APOM: variants seen among roughly 807,000 people sequenced by gnomAD.
The protein encoded by APOM is apolipoprotein M.
A neutral mutation model predicts 23.5 loss-of-function variants in APOM; 24 were observed. The observed-to-expected ratio is 1.02, with a 90% confidence interval of 0.74 to 1.44. APOM has a LOEUF of 1.44. Ranked by LOEUF, APOM falls within the 40% of genes most tolerant of loss-of-function variation. The pLI is 0.00. For missense variants in APOM, 200 were observed against 233.2 expected, an observed-to-expected ratio of 0.86 and a Z score of 0.93; for synonymous variants, 82 against 84.1, an observed-to-expected ratio of 0.97 and a Z score of 0.14.
chr6:31,654,864 T>G (rs1799865806), upstream of APOM, among the ~76,000 whole-genome samples: 1 of 152,264 alleles, frequency 6.6e-6, no homozygotes. Flanking sequence ...GGGCTTTATG[T>G]GCATTATTTC....
intron 2 of APOM, 39 bp from the exon 3 acceptor site, chr6:31,657,186 A>ATG: frequency 6.3e-7 from 1 of 1,575,216 alleles, no homozygotes; most frequent in Non-Finnish European, 8.7e-7. Flanking sequence ...GGTTGGGGTG[A>ATG]TGCTCATTCT....
chr6:31,654,429 T>C (rs1054490849), upstream of APOM, among the ~76,000 whole-genome samples: 19 of 152,116 alleles, frequency 1.2e-4, no homozygotes, highest in African/African-American at 4.3e-4. Flanking sequence ...GGCTCATGCC[T>C]GTAATCCCAA....
chr6:31,657,774 G>A, intron 5 of APOM, 51 bp downstream of exon 5: 1 of 1,486,402 alleles, frequency 6.7e-7, no homozygotes, highest in Non-Finnish European at 9.4e-7. Context: ...CAAGTCTTCT[G>A]GTGTTACAGG....
upstream of APOM, among the ~76,000 whole-genome samples, chr6:31,653,364 C>T (rs1028472451): frequency 1.3e-5 from 2 of 152,148 alleles, no homozygotes; most frequent in Admixed American, 6.5e-5. Context: ...CCAAGGGCCT[C>T]GGCCCCGCGA....
At chr6:31,657,174 A>G (rs1182830353) in intron 2 of APOM, 51 bp from the exon 3 acceptor site, 8 of 1,549,348 alleles carry the variant, frequency 5.2e-6, no homozygotes, top group South Asian at 4.5e-5. Context: ...CTGGGACACT[A>G]TGGTTGGGGT....
upstream of APOM, among the ~76,000 whole-genome samples, chr6:31,654,204 C>T (rs1010158310): frequency 6.8e-6 from 1 of 147,182 alleles, no homozygotes; most frequent in African/African-American, 2.6e-5. Flanking sequence ...AAGATCGCGC[C>T]ACTGCACTCC....
intron 1 of APOM, 57 bp downstream of exon 1, chr6:31,656,137 T>C: frequency 1.5e-6 from 2 of 1,351,402 alleles, no homozygotes; most frequent in Admixed American, 2.0e-5. Context: ...CTTGGGTGGA[T>C]GGCCTAGGAT....
chr6:31,658,163 C>T lies in APOM; in HGVS notation c.*74C>T. ...GTTGGAGGGAGAAGCTGGAGACTTC[C>T]AGCTCCAGCTCCCACTCAAGATAAT... On this transcript the variant is annotated 3_prime_UTR_variant, in exon 6 of 6. Transcript: ENST00000375916. 7.5e-6 allele frequency: 11 copies of T among 1,471,052 alleles called. No individual in the cohort carries two copies. The highest frequency in any genetic ancestry group is 1.0e-5 in the Non-Finnish European group (11 of 1,050,328). The allele number at this position is 1,471,052 out of a possible 1,614,324, so 91.1% of individuals were successfully genotyped here.
At position 31,657,421 on chromosome 6, in the gene APOM, C is replaced by T. The variant is rs1220699664; in HGVS notation, c.385C>T (p.Pro129Ser). ...GACTGAGCTCTTTTCCAGCTCATGC[C>T]CAGGTGGAATCATGCTGAATGAGAC... The part of the protein sequence containing the change: ...MKTELFSSSC[P>S]GGIMLNETGQ... Residue 129 changes from proline (P) to serine (S), a missense_variant, in exon 4 of 6, where the codon CCA becomes TCA. By Grantham distance (74) the Pro-to-Ser change is moderately conservative. Transcript: ENST00000375916. 6.2e-7 allele frequency: 1 copy of T among 1,612,952 alleles called. No individual in the cohort carries two copies. Among genetic ancestry groups the T allele is most frequent in the East Asian group, 2.2e-5 (1 of 44,876 alleles).
rs567916566 is a variant in APOM, at chr6:31,656,416, T to TGAACCCATCCTGTGCTG, written c.115-48_115-32dup. ...TTGCTGTTTTGACTGATGAAGAGGT[T>TGAACCCATCCTGTGCTG]GAACCCATCCTGTGCTGGAACCCAC... On this transcript the variant is annotated intron_variant, in intron 1 of 5. Transcript: ENST00000375916. The TGAACCCATCCTGTGCTG allele has an allele frequency of 6.6e-4, 1,038 of 1,581,100 alleles. 5 individuals carry two copies. The African/African-American group carries it at 8.4e-3, about 13-fold the overall frequency.
chr6:31,653,249 A>G (rs538940951), upstream of APOM, among the ~76,000 whole-genome samples: 1 of 152,328 alleles, frequency 6.6e-6, no homozygotes, highest in Admixed American at 6.5e-5. Flanking sequence ...CAGAAAGACA[A>G]GACCCTGACC....
At chr6:31,653,585 A>G (rs1799308207), upstream of APOM, among the ~76,000 whole-genome samples, 1 of 152,232 alleles carries the variant, frequency 6.6e-6, no homozygotes, top group South Asian at 2.1e-4. Context: ...AAGTGAGTAC[A>G]CTTAGACGAA....
Position 31,655,912 on chromosome 6 carries a change from A to C in APOM, c.-55A>C, listed in dbSNP as rs982598492. The C allele has an allele frequency of 1.1e-5, 14 of 1,228,208 alleles. No homozygotes were observed. The African/African-American group carries it at 2.1e-4, about 18-fold the overall frequency. The allele number at this position is 1,228,208 out of a possible 1,614,324, so 76.1% of individuals were successfully genotyped here. On this transcript the variant is annotated 5_prime_UTR_variant, in exon 1 of 6. Coordinates refer to ENST00000375916, the MANE Select transcript of APOM (RefSeq NM_019101.3). ...TGAAAGCAGAGTGGACTGAGCAGCC[A>C]GTAGGGGAGAGAGCAGTTAAGGCAC...
chr6:31,655,793 T>C (rs188916451), upstream of APOM: 252 of 584,806 alleles, frequency 4.3e-4, 4 homozygotes, highest in East Asian at 6.9e-3. Flanking sequence ...GGGGAGGAAG[T>C]CCCAAACACT....
chr6:31,653,809 G>GT (rs1799458145), upstream of APOM, among the ~76,000 whole-genome samples: 1 of 152,064 alleles, frequency 6.6e-6, no homozygotes, highest in Admixed American at 6.6e-5. Flanking sequence ...AGCCTCCCTA[G>GT]TAGGGACCAC....
upstream of APOM, among the ~76,000 whole-genome samples, chr6:31,653,615 A>T (rs577596659): frequency 6.6e-6 from 1 of 152,344 alleles, no homozygotes; most frequent in African/African-American, 2.4e-5. Context: ...CAGAATTGAC[A>T]AATCCAGGCC....
Position 31,656,776 on chromosome 6 carries a change from GA to G in APOM, c.269+151del. The G allele has an allele frequency of 4.0e-6, 4 of 1,010,700 alleles. No homozygotes were observed. The East Asian group carries it at 7.9e-5, about 20-fold the overall frequency. 62.6% of individuals were successfully genotyped at this position (1,010,700 alleles called of 1,614,324 possible). The stretch of plus-strand genomic sequence containing the variant: ...CTGTATTAATTGCCCTCTGGAGAAA[GA>G]TGTGCCTAACCAATGCTTGGTAGCT... On this transcript the variant is annotated intron_variant, in intron 2 of 5. Transcript: ENST00000375916.
chr6:31,653,737 A>C (rs1395160959), upstream of APOM, among the ~76,000 whole-genome samples: 3 of 152,096 alleles, frequency 2.0e-5, no homozygotes, highest in Non-Finnish European at 4.4e-5. Context: ...GCTGGAGTGC[A>C]GTGGCGCAAT....
At position 31,655,999 on chromosome 6, in the gene APOM, C is replaced by T. The variant is rs750895174; in HGVS notation, c.33C>T (p.Tyr11=). The T allele has an allele frequency of 3.1e-6, 5 of 1,601,382 alleles. No homozygotes were observed. In the East Asian group the frequency reaches 1.1e-4, roughly 36 times the overall value. The stretch of plus-strand genomic sequence containing the variant: ...ACCAAATTTGGGCAGCTCTGCTCTA[C>T]TTCTATGGTATTATCCTTAACTCCA... MFHQIWAALL[Y]FYGIILNSIY... Residue 11 remains tyrosine, a synonymous_variant, in exon 1 of 6, where the codon TAC becomes TAT. Transcript: ENST00000375916.
Sources: allele counts gnomAD v4.1 joint callset (sites outside exome capture counted in the v4.1 genomes callset), GRCh38; gene constraint gnomAD v4.1.1; transcripts MANE v1.5; gene names NCBI Gene and HGNC (gene_info 2026-07-23, HGNC 2026-07-21).